MAP4K4: variants seen among roughly 807,000 people sequenced by gnomAD.
MAP4K4 encodes HPK/GCK-like kinase HGK.
In MAP4K4, 38 loss-of-function variants were observed where a neutral mutation model predicts 189.6. The observed-to-expected ratio is 0.20, with a 90% CI of 0.15 to 0.26. The LOEUF is 0.26. Among genes scored for constraint, MAP4K4 ranks in the 10% least tolerant of loss-of-function variants. The pLI is 1.00. For synonymous variants in MAP4K4, 610 were observed against 624.3 expected (o/e 0.98, Z 0.34); for missense variants, 1,054 against 1,726.9 (o/e 0.61, Z 6.91).
chr2:101,859,945 A>G, intron 15 of MAP4K4, 81 bp downstream of exon 15: 2 of 1,326,270 alleles, frequency 1.5e-6, no homozygotes, highest in Non-Finnish European at 2.1e-6. Flanking sequence ...TATGAGTTCT[A>G]GAACGGGCCA....
chr2:101,856,470 G>A (rs983711792), intron 13 of MAP4K4, among the ~76,000 whole-genome samples: 1 of 151,840 alleles, frequency 6.6e-6, no homozygotes, highest in African/African-American at 2.4e-5. Context: ...CCAAATATAT[G>A]GGTGATAATT....
intron 2 of MAP4K4, among the ~76,000 whole-genome samples, chr2:101,707,026 A>G (rs1364031079): frequency 6.6e-6 from 1 of 152,126 alleles, no homozygotes; most frequent in African/African-American, 2.4e-5. Context: ...TCAACCACTA[A>G]ATATGCAAAC....
chr2:101,821,740 G>A (rs1242178459), intron 3 of MAP4K4, among the ~76,000 whole-genome samples: 1 of 152,070 alleles, frequency 6.6e-6, no homozygotes, highest in Non-Finnish European at 1.5e-5. Flanking sequence ...CACTAAATTT[G>A]TAAAAAATAT....
intron 3 of MAP4K4, among the ~76,000 whole-genome samples, chr2:101,810,501 A>G (rs1042970096): frequency 3.9e-5 from 6 of 152,094 alleles, no homozygotes; most frequent in African/African-American, 1.4e-4. Flanking sequence ...ATATCTGAAA[A>G]AATTCACAAT....
chr2:101,780,867 G>A (rs964309590), intron 2 of MAP4K4, among the ~76,000 whole-genome samples: 4 of 152,304 alleles, frequency 2.6e-5, no homozygotes, highest in African/African-American at 9.6e-5. Context: ...TTACTTGGCT[G>A]TTGAATACTG....
chr2:101,853,494 A>T (rs890110650), intron 12 of MAP4K4, among the ~76,000 whole-genome samples: 1 of 152,202 alleles, frequency 6.6e-6, no homozygotes, highest in Non-Finnish European at 1.5e-5. Context: ...AAGTTGGTGG[A>T]TAATAGGACA....
chr2:101,819,418 C>G (rs947597032), intron 3 of MAP4K4, among the ~76,000 whole-genome samples: 7 of 152,160 alleles, frequency 4.6e-5, no homozygotes, highest in Non-Finnish European at 8.8e-5. Context: ...TTCTGTATTT[C>G]TAGTGTTTTT....
At chr2:101,822,695 T>C (rs2096137968) in intron 3 of MAP4K4, among the ~76,000 whole-genome samples, 1 of 152,148 alleles carries the variant, frequency 6.6e-6, no homozygotes, top group Non-Finnish European at 1.5e-5. Flanking sequence ...TTCTTCCAAG[T>C]TGTGTGTGTG....
At chr2:101,865,973 C>T (rs556701837) in intron 18 of MAP4K4, among the ~76,000 whole-genome samples, 2 of 152,302 alleles carry the variant, frequency 1.3e-5, no homozygotes, top group South Asian at 2.1e-4. Flanking sequence ...CTTTCTGTAC[C>T]GTTTCCAACA....
chr2:101,860,963 C>T lies in MAP4K4; in HGVS notation c.1843C>T (p.Leu615=), dbSNP rs2097635832. Reference sequence around the variant, plus strand: ...CAACTCCGAGTCTGTGCATCCCGCCCTGCAGAGACCAGCGGAGCCACAGGT... The same window carrying T: ...CAACTCCGAGTCTGTGCATCCCGCCTTGCAGAGACCAGCGGAGCCACAGGT... Residue 615 remains leucine (L), a synonymous_variant, in exon 16 of 33, where the codon CTG becomes TTG. Coordinates refer to ENST00000324219, the Ensembl canonical transcript of MAP4K4. 8 of 1,601,838 alleles carry T rather than the reference C, an allele frequency of 5.0e-6. No homozygotes were observed. The South Asian group carries it at 7.9e-5, about 16-fold the overall frequency.
intron 6 of MAP4K4, among the ~76,000 whole-genome samples, chr2:101,830,367 C>G (rs1034163496): frequency 3.3e-5 from 5 of 152,140 alleles, no homozygotes; most frequent in African/African-American, 9.7e-5. Flanking sequence ...GAGTTACTCA[C>G]AAGGGTTCTT....
chr2:101,799,633 A>T (rs1401612684), intron 3 of MAP4K4, among the ~76,000 whole-genome samples: 2 of 148,326 alleles, frequency 1.3e-5, no homozygotes, highest in Non-Finnish European at 3.0e-5. Context: ...GATAGGCTTC[A>T]CTCTGTTGCC....
intron 2 of MAP4K4, among the ~76,000 whole-genome samples, chr2:101,763,937 A>G (rs2077505032): frequency 6.6e-6 from 1 of 152,106 alleles, no homozygotes; most frequent in South Asian, 2.1e-4. Context: ...GAGGACCCTG[A>G]GAGGTCAGGG....
intron 2 of MAP4K4, among the ~76,000 whole-genome samples, chr2:101,777,650 C>A (rs1430683540): frequency 6.6e-6 from 1 of 152,198 alleles, no homozygotes; most frequent in Admixed American, 6.5e-5. Flanking sequence ...AGGGTTTTCC[C>A]TGTAGCTTAT....
At chr2:101,711,971 C>G (rs78550906) in intron 2 of MAP4K4, among the ~76,000 whole-genome samples, 2 of 142,914 alleles carry the variant, frequency 1.4e-5, no homozygotes, top group South Asian at 2.1e-4. Context: ...GTCTGTCTTG[C>G]CCTTTTTTTT....
intron 2 of MAP4K4, among the ~76,000 whole-genome samples, chr2:101,725,404 A>C (rs1462103527): frequency 2.4e-4 from 37 of 151,814 alleles, no homozygotes; most frequent in Non-Finnish European, 4.3e-4. Context: ...AAAAAAACAA[A>C]AACAAAAAAA....
chr2:101,812,460 G>A (rs530207459), intron 3 of MAP4K4, among the ~76,000 whole-genome samples: 2 of 152,304 alleles, frequency 1.3e-5, no homozygotes, highest in East Asian at 1.9e-4. Flanking sequence ...CACAGCACGC[G>A]TGCGTGTCCC....
intron 2 of MAP4K4, among the ~76,000 whole-genome samples, chr2:101,755,489 G>GT: frequency 6.6e-6 from 1 of 152,202 alleles, no homozygotes; most frequent in East Asian, 1.9e-4. Flanking sequence ...TGAGACAACT[G>GT]TTGAAGGAAC....
chr2:101,794,174 A>G (rs2093375874), intron 3 of MAP4K4, among the ~76,000 whole-genome samples: 1 of 152,348 alleles, frequency 6.6e-6, no homozygotes, highest in East Asian at 1.9e-4. Context: ...TAGCAGATCT[A>G]TAATGTGGTT....
Sources: gnomAD v4.1 joint callset for allele counts (sites outside exome capture counted in the v4.1 genomes callset) on GRCh38, gnomAD v4.1.1 for gene constraint, MANE v1.5 for transcripts, NCBI Gene and HGNC (gene_info 2026-07-23, HGNC 2026-07-21) for gene names.